Variants in WDFY3 observed in about 807,000 individuals in gnomAD.
The protein encoded by WDFY3 is WD repeat and FYVE domain containing 3.
Under a neutral mutation model 409.6 loss-of-function variants are expected in WDFY3, and 66 were observed. That is an observed-to-expected ratio of 0.16 (90% CI 0.13 to 0.20). The LOEUF (loss-of-function observed/expected upper bound fraction) is 0.20, where lower values mean the gene tolerates loss of function less well. Among genes scored for constraint, WDFY3 ranks in the 10% least tolerant of loss-of-function variants. WDFY3 has a pLI of 1.00. For missense variants in WDFY3, 3,031 were observed against 4,298.1 expected, an observed-to-expected ratio of 0.71 and a Z score of 8.24; for synonymous variants, 1,521 against 1,537.1, an observed-to-expected ratio of 0.99 and a Z score of 0.25.
At chr4:84,879,117 C>T (rs1270418689) in intron 3 of WDFY3, among the ~76,000 whole-genome samples, 1 of 152,186 alleles carries the variant, frequency 6.6e-6, no homozygotes, top group African/African-American at 2.4e-5. Flanking sequence ...TGCTCAAAAT[C>T]TGGTGGGTCC....
intron 2 of WDFY3, among the ~76,000 whole-genome samples, chr4:84,918,359 G>A (rs546824723): frequency 2.0e-5 from 3 of 152,156 alleles, no homozygotes; most frequent in Non-Finnish European, 2.9e-5. Context: ...GAATGATGAC[G>A]ACCTCTATGA....
At chr4:84,798,278 C>T (rs1316870106) in intron 17 of WDFY3, among the ~76,000 whole-genome samples, 170 bp from the exon 18 acceptor site, 3 of 151,832 alleles carry the variant, frequency 2.0e-5, no homozygotes, top group Non-Finnish European at 2.9e-5. Context: ...CACCATATAG[C>T]TATATATCTG....
chr4:84,736,370 T>C, intron 41 of WDFY3, 43 bp from the exon 42 acceptor site: 1 of 1,521,094 alleles, frequency 6.6e-7, no homozygotes, highest in South Asian at 1.3e-5. Context: ...TTTCTCCATG[T>C]ATTTATGAGT....
At chr4:84,731,595 T>A (rs1736616649) in intron 44 of WDFY3, among the ~76,000 whole-genome samples, 1 of 152,178 alleles carries the variant, frequency 6.6e-6, no homozygotes, top group Admixed American at 6.5e-5. Context: ...ATAAATTCCA[T>A]CTGGTGCATA....
chr4:84,859,855 G>A (rs184907367), intron 4 of WDFY3, among the ~76,000 whole-genome samples: 5 of 151,760 alleles, frequency 3.3e-5, no homozygotes, highest in East Asian at 1.9e-4. Context: ...GATTACAGGC[G>A]TGAGCCACCA....
rs758204994 is a variant in WDFY3, at chr4:84,794,861, A to G, written c.3268+18T>C. On this transcript the variant is annotated intron_variant, in intron 20 of 67. Coordinates refer to ENST00000295888, the MANE Select transcript of WDFY3 (RefSeq NM_014991.6). ...TACTAGAAAAAAAACTCATAAGCAG[A>G]AAGCAAATATTACTTACCAGAACCA... The G allele has an allele frequency of 1.1e-5, 17 of 1,553,894 alleles. No homozygotes were observed. The highest frequency in any genetic ancestry group is 1.3e-5 in the Non-Finnish European group (15 of 1,158,402).
intron 56 of WDFY3, among the ~76,000 whole-genome samples, 188 bp from the exon 57 acceptor site, chr4:84,697,011 G>A (rs2148896541): frequency 1.3e-5 from 2 of 152,276 alleles, no homozygotes; most frequent in East Asian, 3.9e-4. Flanking sequence ...CACTCCAGCA[G>A]AAAGAGTTAC....
intron 1 of WDFY3, among the ~76,000 whole-genome samples, chr4:84,937,385 C>T (rs558021099): frequency 6.6e-6 from 1 of 152,242 alleles, no homozygotes; most frequent in African/African-American, 2.4e-5. Context: ...TCTCCCTGAC[C>T]TTTAAAGTTT....
chr4:84,906,958 T>C (rs899841499), intron 2 of WDFY3, among the ~76,000 whole-genome samples: 1 of 152,204 alleles, frequency 6.6e-6, no homozygotes, highest in African/African-American at 2.4e-5. Context: ...TTTGTTATAC[T>C]GTATTTTCAA....
At chr4:84,935,297 C>T (rs1331991909) in intron 1 of WDFY3, among the ~76,000 whole-genome samples, 1 of 151,870 alleles carries the variant, frequency 6.6e-6, no homozygotes, top group African/African-American at 2.4e-5. Context: ...TTTTACTTTC[C>T]CTAAAGTGTG....
At chr4:84,785,882 T>C in intron 24 of WDFY3, 97 bp downstream of exon 24, 1 of 1,431,434 alleles carries the variant, frequency 7.0e-7, no homozygotes, top group Non-Finnish European at 9.5e-7. Flanking sequence ...GCATGATTTT[T>C]AGCAGTCACT....
intron 48 of WDFY3, among the ~76,000 whole-genome samples, chr4:84,717,873 TCTGTCTCTA>T (rs1734198949): frequency 6.6e-6 from 1 of 151,684 alleles, no homozygotes; most frequent in Admixed American, 6.6e-5. Context: ...ATGGTGAAAC[TCTGTCTCTA>T]CTAAAAATAC....
intron 2 of WDFY3, among the ~76,000 whole-genome samples, chr4:84,901,980 G>A (rs1196842020): frequency 6.6e-6 from 1 of 152,126 alleles, no homozygotes; most frequent in Non-Finnish European, 1.5e-5. Flanking sequence ...AGTTATCTCA[G>A]AATACCTCCA....
chr4:84,792,525 C>T (rs905381877), intron 21 of WDFY3, among the ~76,000 whole-genome samples: 4 of 152,168 alleles, frequency 2.6e-5, no homozygotes, highest in African/African-American at 9.7e-5. Flanking sequence ...AGTGGTGTGT[C>T]AGGATATCTC....
chr4:84,705,036 A>G (rs1731695837), intron 54 of WDFY3, among the ~76,000 whole-genome samples: 1 of 152,200 alleles, frequency 6.6e-6, no homozygotes, highest in African/African-American at 2.4e-5. Context: ...AAGGGTTCCA[A>G]AATTGCCTCA....
At position 84,684,011 on chromosome 4, in the gene WDFY3, T is replaced by C; in HGVS notation, c.9658A>G (p.Met3220Val). 8 of 1,613,728 alleles carry C rather than the reference T, an allele frequency of 5.0e-6. No homozygotes were observed. The highest frequency in any genetic ancestry group is 5.1e-6 in the Non-Finnish European group (6 of 1,179,642). The part of the protein sequence containing the change: ...GRSQQIICCC[M>V]SEMNEWDTQN... ...GTGTCCCATTCGTTCATCTCCGACA[T>C]GCAGCAGCAGATGATCTGCTGGCTC... The change falls in exon 63 of 68, where the codon ATG becomes GTG. Residue 3220 changes from methionine to valine, a missense_variant. Coordinates refer to ENST00000295888, the MANE Select transcript of WDFY3 (RefSeq NM_014991.6).
At chr4:84,903,715 C>A (rs1345265419) in intron 2 of WDFY3, among the ~76,000 whole-genome samples, 1 of 152,146 alleles carries the variant, frequency 6.6e-6, no homozygotes, top group Non-Finnish European at 1.5e-5. Context: ...AAAAAATTAA[C>A]CTTCTTTGAA....
chr4:84,882,831 A>C (rs1003551493), intron 3 of WDFY3, among the ~76,000 whole-genome samples: 4 of 151,718 alleles, frequency 2.6e-5, no homozygotes, highest in African/African-American at 7.3e-5. Context: ...CTCTCACCTC[A>C]GCCTCCTGAG....
chr4:84,883,505 C>T (rs974224342), intron 3 of WDFY3, among the ~76,000 whole-genome samples: 6 of 152,148 alleles, frequency 3.9e-5, no homozygotes, highest in South Asian at 4.1e-4. Flanking sequence ...TAAACTGGCA[C>T]AGAACCCCTC....
Sources: allele counts gnomAD v4.1 joint callset (sites outside exome capture counted in the v4.1 genomes callset), GRCh38; gene constraint gnomAD v4.1.1; transcripts MANE v1.5; gene names NCBI Gene and HGNC (gene_info 2026-07-23, HGNC 2026-07-21).